RAB20: variants seen among roughly 807,000 people sequenced by gnomAD.
RAB20 encodes ras-related protein Rab-20.
Under a neutral mutation model 3.7 loss-of-function variants are expected in RAB20, and 2 were observed. The observed-to-expected ratio is 0.54, with a 90% confidence interval of 0.22 to 1.69. RAB20 has a LOEUF of 1.69. Among genes scored for constraint, RAB20 ranks in the 40% most tolerant of loss-of-function variants. RAB20 has a pLI of 0.19. For synonymous variants in RAB20, 126 were observed against 130.8 expected, an observed-to-expected ratio of 0.96 and a Z score of 0.25; for missense variants, 276 against 311.9, an observed-to-expected ratio of 0.88 and a Z score of 0.87.
chr13:110,557,571 C>T (rs2139592028), intron 1 of RAB20, among the ~76,000 whole-genome samples: 1 of 152,362 alleles, frequency 6.6e-6, no homozygotes, highest in Non-Finnish European at 1.5e-5. Flanking sequence ...TTTGCGGTGG[C>T]CACTATTCTG....
intron 1 of RAB20, among the ~76,000 whole-genome samples, chr13:110,536,118 G>A (rs546186546): frequency 6.6e-6 from 1 of 152,314 alleles, no homozygotes; most frequent in South Asian, 2.1e-4. Flanking sequence ...CCCCGGGGAG[G>A]AGACCATGGG....
At chr13:110,547,103 G>C (rs1011080739) in intron 1 of RAB20, among the ~76,000 whole-genome samples, 1 of 152,180 alleles carries the variant, frequency 6.6e-6, no homozygotes, top group Admixed American at 6.5e-5. Flanking sequence ...TCATATGTCA[G>C]AAGCCTGGAA....
intron 1 of RAB20, among the ~76,000 whole-genome samples, chr13:110,533,029 G>T (rs995988151): frequency 2.0e-5 from 3 of 151,984 alleles, no homozygotes; most frequent in Non-Finnish European, 4.4e-5. Context: ...AGATCGGACA[G>T]CCCCCTGGCA....
chr13:110,544,412 A>C (rs944532149), intron 1 of RAB20, among the ~76,000 whole-genome samples: 16 of 152,328 alleles, frequency 1.1e-4, no homozygotes, highest in African/African-American at 3.6e-4. Context: ...CATAAATTTT[A>C]GAATTTTTTT....
chr13:110,553,217 A>G (rs960743913), intron 1 of RAB20, among the ~76,000 whole-genome samples: 6 of 152,176 alleles, frequency 3.9e-5, no homozygotes, highest in African/African-American at 1.4e-4. Context: ...TTCCAGATAC[A>G]AACCTTAACT....
intron 1 of RAB20, among the ~76,000 whole-genome samples, chr13:110,560,467 C>A (rs2139593607): frequency 6.6e-6 from 1 of 152,260 alleles, no homozygotes; most frequent in African/African-American, 2.4e-5. Flanking sequence ...GGGTATATGA[C>A]TTTTTAAGAT....
chr13:110,542,681 C>T (rs1409333293), intron 1 of RAB20, among the ~76,000 whole-genome samples: 1 of 152,156 alleles, frequency 6.6e-6, no homozygotes, highest in East Asian at 1.9e-4. Context: ...TAATACTCCA[C>T]GGTGTATATT....
rs115058261 is a variant in RAB20, at chr13:110,550,642, G to A, written c.172+10706C>T. 9.0e-3 allele frequency among the ~76,000 whole-genome samples: 1,363 copies of A among 152,256 alleles called. 23 individuals carry two copies. Among genetic ancestry groups the A allele is most frequent in the African/African-American group, 0.031 (1,301 of 41,540 alleles). On this transcript the variant is annotated intron_variant, in intron 1 of 1. Coordinates refer to ENST00000267328, the MANE Select transcript of RAB20 (RefSeq NM_017817.3). ...ATGGCTGTGGCGCTGTGAGAGCAGA[G>A]GAAAAACTCGGGTTTAGAGTTTTTT...
intron 1 of RAB20, among the ~76,000 whole-genome samples, chr13:110,524,666 C>A (rs1460990466): frequency 1.3e-5 from 2 of 152,214 alleles, no homozygotes; most frequent in Non-Finnish European, 2.9e-5. Flanking sequence ...TCCTTTACAC[C>A]CCCTGGGTGC....
intron 1 of RAB20, among the ~76,000 whole-genome samples, chr13:110,539,850 G>A (rs1007880570): frequency 6.6e-6 from 1 of 152,108 alleles, no homozygotes. Context: ...ATGAGCCACC[G>A]CGCCCGGCCA....
chr13:110,558,987 C>T (rs1885088196), intron 1 of RAB20, among the ~76,000 whole-genome samples: 1 of 152,140 alleles, frequency 6.6e-6, no homozygotes, highest in Non-Finnish European at 1.5e-5. Flanking sequence ...TGAGCCACCA[C>T]GCCTGGCCCC....
intron 1 of RAB20, among the ~76,000 whole-genome samples, chr13:110,524,600 C>G (rs925768927): frequency 6.6e-6 from 1 of 152,202 alleles, no homozygotes; most frequent in Admixed American, 6.5e-5. Flanking sequence ...GAGATAGAAG[C>G]TGACTCGGGA....
intron 1 of RAB20, among the ~76,000 whole-genome samples, chr13:110,541,490 C>T (rs755366613): frequency 2.0e-5 from 3 of 152,224 alleles, no homozygotes; most frequent in Non-Finnish European, 2.9e-5. Context: ...AAGCTCACCT[C>T]GTTCTTATCT....
chr13:110,536,073 G>A lies in RAB20; in HGVS notation c.173-11876C>T, dbSNP rs116173496. Among the ~76,000 whole-genome samples, 1,395 of 152,256 alleles carry A rather than the reference G, an allele frequency of 9.2e-3. 26 individuals carry two copies. Among genetic ancestry groups the A allele is most frequent in the African/African-American group, 0.032 (1,310 of 41,550 alleles). Reference sequence around the variant, plus strand: ...GGTGTCCTTATTAGAGAAGACACCCGGAGACACAGGGGCAAAGACGATGTG... The same window carrying A: ...GGTGTCCTTATTAGAGAAGACACCCAGAGACACAGGGGCAAAGACGATGTG... On this transcript the variant is annotated intron_variant, in intron 1 of 1. Coordinates refer to ENST00000267328, the MANE Select transcript of RAB20 (RefSeq NM_017817.3).
At chr13:110,546,790 T>TGCA (rs1884859561) in intron 1 of RAB20, among the ~76,000 whole-genome samples, 1 of 151,222 alleles carries the variant, frequency 6.6e-6, no homozygotes, top group Non-Finnish European at 1.5e-5. Context: ...CAGGCTGGAG[T>TGCA]GCAGTGGTGC....
At position 110,561,685 on chromosome 13, in the gene RAB20, G is replaced by A. The variant is rs950910687; in HGVS notation, c.-166C>T. ...GACGCCCGGGAGCTCAAGAGAGGAAGCGCGTGTGCGCGCCCGGGAAGGAGC... is the reference window on the plus strand; with the variant it reads ...GACGCCCGGGAGCTCAAGAGAGGAAACGCGTGTGCGCGCCCGGGAAGGAGC... On this transcript the variant is annotated 5_prime_UTR_variant, in exon 1 of 2. Coordinates refer to ENST00000267328, the MANE Select transcript of RAB20 (RefSeq NM_017817.3). 20 of 1,215,768 alleles carry A rather than the reference G, an allele frequency of 1.6e-5. No individual in the cohort carries two copies. Among genetic ancestry groups the A allele is most frequent in the Non-Finnish European group, 2.0e-5 (19 of 935,198 alleles). The allele number at this position is 1,215,768 out of a possible 1,614,324, so 75.3% of individuals were successfully genotyped here.
chr13:110,559,180 T>C (rs978528527), intron 1 of RAB20, among the ~76,000 whole-genome samples: 1 of 152,182 alleles, frequency 6.6e-6, no homozygotes, highest in Non-Finnish European at 1.5e-5. Flanking sequence ...GTTTTTACTA[T>C]TAAACATCCT....
At chr13:110,533,792 T>G (rs1884590504) in intron 1 of RAB20, among the ~76,000 whole-genome samples, 1 of 152,224 alleles carries the variant, frequency 6.6e-6, no homozygotes, top group Non-Finnish European at 1.5e-5. Context: ...TTTGTTGATT[T>G]TAGTGCAGTA....
chr13:110,532,074 G>T (rs1256439682), intron 1 of RAB20, among the ~76,000 whole-genome samples: 2 of 152,180 alleles, frequency 1.3e-5, no homozygotes, highest in Non-Finnish European at 2.9e-5. Context: ...GCCATCAGAA[G>T]CCACGGACAC....
Sources: allele counts gnomAD v4.1 joint callset (sites outside exome capture counted in the v4.1 genomes callset), GRCh38; gene constraint gnomAD v4.1.1; transcripts MANE v1.5; gene names NCBI Gene and HGNC (gene_info 2026-07-23, HGNC 2026-07-21).